NUP214: variants seen among roughly 807,000 people sequenced by gnomAD.
NUP214 encodes nucleoporin 214, also known as nuclear pore complex protein Nup214.
A neutral mutation model predicts 196.2 loss-of-function variants in NUP214; 79 were observed. The observed-to-expected ratio is 0.40, with a 90% CI of 0.34 to 0.49. The LOEUF (loss-of-function observed/expected upper bound fraction) is 0.49, where lower values mean the gene tolerates loss of function less well. Ranked by LOEUF, NUP214 falls within the 20% of genes least tolerant of loss-of-function variation. The probability of loss-of-function intolerance (pLI) is 0.58; values close to 1 mark genes in which losing one functional copy is unlikely to be tolerated. For missense variants in NUP214, 2,468 were observed against 2,539.0 expected (o/e 0.97, Z 0.60); for synonymous variants, 1,020 against 990.5 (o/e 1.03, Z -0.56).
At chr9:131,215,916 T>TA (rs1476820110) in intron 31 of NUP214, among the ~76,000 whole-genome samples, 9 of 148,532 alleles carry the variant, frequency 6.1e-5, no homozygotes, top group African/African-American at 2.3e-4. Context: ...TTTTTTTTTT[T>TA]TTTGAGACAG....
intron 32 of NUP214, among the ~76,000 whole-genome samples, chr9:131,224,860 T>TATA (rs1834680349): frequency 6.6e-6 from 1 of 152,270 alleles, no homozygotes; most frequent in African/African-American, 2.4e-5. Flanking sequence ...TGGGGAATTT[T>TATA]AGTTCATCGA....
intron 33 of NUP214, chr9:131,229,888 GC>G (rs1414104560): frequency 6.5e-5 from 27 of 414,722 alleles, no homozygotes; most frequent in African/African-American, 5.4e-4. Flanking sequence ...GTTGATTCTT[GC>G]CCCCAGGTGC....
chr9:131,140,473 G>A, intron 10 of NUP214, 76 bp from the exon 11 acceptor site: 1 of 1,280,226 alleles, frequency 7.8e-7, no homozygotes, highest in South Asian at 1.4e-5. Context: ...TCTTCATGTT[G>A]AGGGCAGTCT....
intron 9 of NUP214, 143 bp downstream of exon 9, chr9:131,136,149 T>C (rs1831720836): frequency 1.6e-6 from 1 of 638,038 alleles, no homozygotes; most frequent in Admixed American, 3.0e-5. Flanking sequence ...CAAGCAATTT[T>C]GTGCCTCAGC....
chr9:131,144,215 T>C, intron 11 of NUP214, 65 bp from the exon 12 acceptor site: 4 of 1,270,994 alleles, frequency 3.1e-6, no homozygotes, highest in African/African-American at 3.0e-5. Context: ...TTTCACTTGC[T>C]TTCTATTATG....
chr9:131,128,564 A>G, intron 3 of NUP214, 81 bp downstream of exon 3: 1 of 1,273,438 alleles, frequency 7.9e-7, no homozygotes, highest in South Asian at 1.7e-5. Flanking sequence ...TGGAAGCTTC[A>G]TAGGTTAACC....
Position 131,163,117 on chromosome 9 carries a change from A to C in NUP214, c.2667A>C (p.Lys889Asn), listed in dbSNP as rs146102851. 736 of 1,614,140 alleles carry C rather than the reference A, an allele frequency of 4.6e-4. 6 individuals carry two copies. In the African/African-American group the frequency reaches 8.4e-3, roughly 18 times the overall value. ...VDSLQQLRLYKQTSLWSLSSA... is the reference protein window; with the variant it reads ...VDSLQQLRLYNQTSLWSLSSA... ...GTCTTCAGCAGCTCCGCCTTTACAA[A>C]CAGACTTCCCTGTGGAGCCTGTCCT... The change falls in exon 19 of 36, where the codon AAA becomes AAC. Residue 889 changes from lysine (K) to asparagine (N), a missense_variant. Lys to Asn is a moderately conservative substitution (Grantham distance 94). Transcript: ENST00000359428.
Position 131,171,547 on chromosome 9 carries a change from CTTT to C in NUP214, c.2894-2492_2894-2490del, listed in dbSNP as rs11334591. Among the ~76,000 whole-genome samples the C allele has an allele frequency of 4.0e-3, 513 of 127,338 alleles. 4 individuals are homozygous for C. The highest frequency in any genetic ancestry group is 8.9e-3 in the African/African-American group (300 of 33,742). The allele number at this position is 127,338 out of a possible 152,430, so 83.5% of individuals were successfully genotyped here. On this transcript the variant is annotated intron_variant, in intron 21 of 35. Coordinates refer to ENST00000359428, the MANE Select transcript of NUP214 (RefSeq NM_005085.4). Reference sequence around the variant, plus strand: ...AGTTGTTATCTCACAGGAAGATTTTCTTTTTTTTTTTTTTTTTTGTTATACTTT... The same window carrying C: ...AGTTGTTATCTCACAGGAAGATTTTCTTTTTTTTTTTTTTTGTTATACTTT...
intron 30 of NUP214, among the ~76,000 whole-genome samples, chr9:131,203,192 A>G (rs997142360): frequency 6.7e-6 from 1 of 150,072 alleles, no homozygotes; most frequent in Non-Finnish European, 1.5e-5. Flanking sequence ...TGATCCGCCC[A>G]CCTCAGCCTC....
chr9:131,227,154 T>C (rs1834746172), intron 32 of NUP214, among the ~76,000 whole-genome samples: 1 of 152,236 alleles, frequency 6.6e-6, no homozygotes, highest in African/African-American at 2.4e-5. Flanking sequence ...CAGCAGTATC[T>C]TGGAAGTTTG....
Position 131,198,863 on chromosome 9 carries a change from C to T in NUP214, c.5369C>T (p.Ser1790Phe). 1.2e-6 allele frequency: 2 copies of T among 1,614,186 alleles called. No individual in the cohort carries two copies. The highest frequency in any genetic ancestry group is 1.7e-6 in the Non-Finnish European group (2 of 1,180,040). ...SSSSFSFGQS[S>F]PNTGGGLFGQ... ...AGTTCCTTCTCATTTGGACAGTCTT[C>T]TCCCAACACAGGAGGGGGGCTGTTT... is the stretch of plus-strand genomic sequence containing the variant. Residue 1790 changes from serine to phenylalanine, a missense_variant, in exon 29 of 36, where the codon TCT (serine) becomes TTT (phenylalanine). Physicochemically the swap from Ser to Phe is radical, Grantham distance 155 (BLOSUM62 -2). Transcript: ENST00000359428.
At chr9:131,179,048 A>G (rs1033494491) in intron 24 of NUP214, among the ~76,000 whole-genome samples, 1 of 152,028 alleles carries the variant, frequency 6.6e-6, no homozygotes, top group African/African-American at 2.4e-5. Context: ...ACTGGAGTGC[A>G]GAGTGCAGTA....
chr9:131,202,952 A>AT (rs891463650), intron 30 of NUP214, among the ~76,000 whole-genome samples: 210 of 144,818 alleles, frequency 1.5e-3, no homozygotes, highest in African/African-American at 2.8e-3. Flanking sequence ...TTATTTACTT[A>AT]TTTTTTTTTT....
chr9:131,209,435 T>C (rs113921129), intron 30 of NUP214, among the ~76,000 whole-genome samples: 5,816 of 152,192 alleles, frequency 0.038, 153 homozygotes, highest in African/African-American at 0.07. Context: ...CTGTCGCCCA[T>C]GCTGGAGTGC....
At chr9:131,190,726 C>G (rs1833573996) in intron 26 of NUP214, 1 of 355,290 alleles carries the variant, frequency 2.8e-6, no homozygotes, top group African/African-American at 2.1e-5. Flanking sequence ...CCTATAGATT[C>G]TGTATTCCAG....
chr9:131,126,343 C>A (rs1401069798), intron 1 of NUP214: 2 of 152,922 alleles, frequency 1.3e-5, no homozygotes, highest in Non-Finnish European at 2.9e-5. Flanking sequence ...CCAGTGATAG[C>A]AACGTGGGAG....
chr9:131,143,998 A>C (rs922404110), intron 11 of NUP214, among the ~76,000 whole-genome samples: 1 of 152,226 alleles, frequency 6.6e-6, no homozygotes, highest in African/African-American at 2.4e-5. Flanking sequence ...GTTGTTAATG[A>C]AATGTTGCAG....
chr9:131,139,529 C>T, intron 10 of NUP214, 122 bp downstream of exon 10: 7 of 1,398,626 alleles, frequency 5.0e-6, no homozygotes, highest in Admixed American at 2.5e-5. Flanking sequence ...CTTCTGGCAG[C>T]ACATTTCTCC....
chr9:131,135,486 C>T (rs1187663758), intron 8 of NUP214, among the ~76,000 whole-genome samples: 1 of 152,118 alleles, frequency 6.6e-6, no homozygotes, highest in Non-Finnish European at 1.5e-5. Flanking sequence ...AATTATTTAT[C>T]TTAAATACAT....
Sources: gnomAD v4.1 joint callset for allele counts (sites outside exome capture counted in the v4.1 genomes callset) on GRCh38, gnomAD v4.1.1 for gene constraint, MANE v1.5 for transcripts, NCBI Gene and HGNC (gene_info 2026-07-23, HGNC 2026-07-21) for gene names.